Variants in ACCSL observed in about 807,000 individuals in gnomAD.
ACCSL encodes the protein probable inactive 1-aminocyclopropane-1-carboxylate synthase-like protein 2.
ACCSL carries 55 observed loss-of-function variants against 61.7 expected under a neutral mutation model. The ratio of observed to expected loss-of-function variants is 0.89; its 90% CI spans 0.72 to 1.12. The LOEUF is 1.12. Ranked by LOEUF, ACCSL falls within the 50% of genes most tolerant of loss-of-function variation. ACCSL has a pLI of 0.00. For synonymous variants in ACCSL, 258 were observed against 264.3 expected (o/e 0.98, Z 0.23); for missense variants, 632 against 698.0 (o/e 0.91, Z 1.07).
the ACCSL span, among the ~76,000 whole-genome samples, chr11:44,035,053 G>GA: frequency 2.9e-3 from 443 of 152,220 alleles, 3 homozygotes; most frequent in African/African-American, 0.01. Context: ...CCTCTGCCTG[G>GA]AACATTCTTC....
chr11:43,978,787 T>G, the ACCSL span, among the ~76,000 whole-genome samples: 6 of 72,468 alleles, frequency 8.3e-5, no homozygotes, highest in Non-Finnish European at 1.2e-4. Flanking sequence ...AGGTGGGTTT[T>G]TTTTTTTTTT....
rs764620716 is a variant in ACCSL, at chr11:44,053,077, G to A, written c.948+9G>A. 1 of 1,612,498 alleles carries A rather than the reference G, an allele frequency of 6.2e-7. No homozygotes were observed. Among genetic ancestry groups the A allele is most frequent in the Non-Finnish European group, 8.5e-7 (1 of 1,178,596 alleles). The stretch of plus-strand genomic sequence containing the variant: ...TTGAAGCTAGGCTTGAGGTAAGGTG[G>A]GAACCATATTTTTAGGATGGCCACT... On this transcript the variant is annotated intron_variant, in intron 7 of 13. Transcript: ENST00000378832.
chr11:44,037,831 CAGACCTT>C, the ACCSL span, among the ~76,000 whole-genome samples: 1 of 152,248 alleles, frequency 6.6e-6, no homozygotes, highest in African/African-American at 2.4e-5. Flanking sequence ...GAAGGGGGCC[CAGACCTT>C]AGAAAATTGC....
At chr11:44,015,750 C>A in the ACCSL span, among the ~76,000 whole-genome samples, 1 of 152,184 alleles carries the variant, frequency 6.6e-6, no homozygotes, top group Admixed American at 6.5e-5. Context: ...AGAGCCTGGG[C>A]TGCGTCATCA....
the ACCSL span, among the ~76,000 whole-genome samples, chr11:43,987,385 C>A: frequency 6.6e-6 from 1 of 152,190 alleles, no homozygotes; most frequent in Admixed American, 6.5e-5. Context: ...CAGACTCCTC[C>A]TTTCAGAAAC....
chr11:43,995,806 G>A, the ACCSL span, among the ~76,000 whole-genome samples: 9 of 152,198 alleles, frequency 5.9e-5, no homozygotes, highest in Non-Finnish European at 1.2e-4. Context: ...ATGGCTGTGG[G>A]AAGACTTGGC....
the ACCSL span, among the ~76,000 whole-genome samples, chr11:43,922,663 T>C: frequency 6.6e-6 from 1 of 152,248 alleles, no homozygotes; most frequent in Admixed American, 6.5e-5. Context: ...TTCTGGCAAG[T>C]GTTTCCTGAC....
the ACCSL span, among the ~76,000 whole-genome samples, chr11:43,948,631 A>G: frequency 1.3e-5 from 2 of 152,018 alleles, no homozygotes; most frequent in Non-Finnish European, 2.9e-5. Flanking sequence ...GCACCACCAC[A>G]CTTGACTATT....
rs374220502 is a variant in ACCSL at position 44,048,158 on chromosome 11, C to T, written c.122C>T (p.Thr41Met). 295 of 1,614,188 alleles carry T rather than the reference C, an allele frequency of 1.8e-4. No homozygotes were observed. Among genetic ancestry groups the T allele is most frequent in the African/African-American group, 8.0e-4 (60 of 75,050 alleles). Reference sequence around the variant, plus strand: ...ACGCTGCACTTGCAGCAGGCCATGACGGAGCACTTCGTGCAGCTGACGAGC... The same window carrying T: ...ACGCTGCACTTGCAGCAGGCCATGATGGAGCACTTCGTGCAGCTGACGAGC... ...EITLHLQQAMTEHFVQLTSRQ... is the reference protein window; with the variant it reads ...EITLHLQQAMMEHFVQLTSRQ... Residue 41 changes from threonine to methionine, a missense_variant, in exon 1 of 14, where the codon ACG becomes ATG. Physicochemically the swap from Thr to Met is moderately conservative, Grantham distance 81. Coordinates refer to ENST00000378832, the MANE Select transcript of ACCSL (RefSeq NM_001031854.2).
chr11:43,934,710 G>T, the ACCSL span, among the ~76,000 whole-genome samples: 1 of 152,150 alleles, frequency 6.6e-6, no homozygotes, highest in Admixed American at 6.5e-5. Flanking sequence ...GAAGGGGCCT[G>T]ACCTTCCTGC....
the ACCSL span, among the ~76,000 whole-genome samples, chr11:43,978,855 T>G: frequency 6.7e-6 from 1 of 148,486 alleles, no homozygotes; most frequent in South Asian, 2.2e-4. Flanking sequence ...AGTTCTGTGT[T>G]CTTCACATTC....
the ACCSL span, among the ~76,000 whole-genome samples, chr11:43,979,850 A>G: frequency 2.4e-5 from 3 of 127,534 alleles, no homozygotes; most frequent in Non-Finnish European, 5.1e-5. Context: ...CTGTCTCAAA[A>G]AAAAAAAAAA....
At chr11:44,037,414 T>A in the ACCSL span, among the ~76,000 whole-genome samples, 1 of 152,252 alleles carries the variant, frequency 6.6e-6, no homozygotes, top group African/African-American at 2.4e-5. Context: ...CCAGCCTTTC[T>A]GAGGTCACGC....
chr11:43,943,212 AG>A, the ACCSL span: 5 of 1,525,906 alleles, frequency 3.3e-6, no homozygotes, highest in South Asian at 6.1e-5. This position sits in a 1 kb window ranked among gnomAD's most constrained non-coding sequence, Gnocchi z 4.8. Context: ...CAGCGGGAGC[AG>A]CTCAGCAGCT....
At chr11:43,970,946 T>C in the ACCSL span, among the ~76,000 whole-genome samples, 4 of 152,310 alleles carry the variant, frequency 2.6e-5, no homozygotes, top group African/African-American at 9.6e-5. Flanking sequence ...AAAGAATGAA[T>C]GAACCCTTCT....
At chr11:43,967,167 CTTTTTTTTTTTTT>C in the ACCSL span, among the ~76,000 whole-genome samples, 3 of 62,692 alleles carry the variant, frequency 4.8e-5, no homozygotes, top group Admixed American at 2.7e-4. Context: ...TCTTCTTCTT[CTTTTTTTTTTTTT>C]TTTTTTTTTT....
chr11:43,946,652 T>G, the ACCSL span, among the ~76,000 whole-genome samples: 11 of 152,208 alleles, frequency 7.2e-5, no homozygotes, highest in African/African-American at 2.7e-4. Flanking sequence ...ACATCATAGC[T>G]TTTCATAAAT....
At position 44,056,098 on chromosome 11, in the gene ACCSL, T is replaced by G. The variant is rs376384696; in HGVS notation, c.1185+13T>G. 1.8e-5 allele frequency: 29 copies of G among 1,614,116 alleles called. No individual in the cohort carries two copies. The Admixed American group carries it at 1.8e-4, about 10-fold the overall frequency. The stretch of plus-strand genomic sequence containing the variant: ...GGGTACCAGTAAGGTGAGCCATTGC[T>G]TTCTCTCCTTGGCTAGGGAAGGAGG... On this transcript the variant is annotated intron_variant, in intron 10 of 13. Transcript: ENST00000378832.
At chr11:43,975,662 A>G in the ACCSL span, among the ~76,000 whole-genome samples, 1 of 152,250 alleles carries the variant, frequency 6.6e-6, no homozygotes, top group East Asian at 1.9e-4. Flanking sequence ...AGCTTTTAAG[A>G]TGATTATATC....
Sources: gnomAD v4.1 joint callset for allele counts (sites outside exome capture counted in the v4.1 genomes callset) on GRCh38, gnomAD v4.1.1 for gene constraint, Gnocchi (gnomAD v3.1) non-coding constraint, MANE v1.5 for transcripts, NCBI Gene and HGNC (gene_info 2026-07-23, HGNC 2026-07-21) for gene names.